Variants in ZNF618 observed in about 807,000 individuals in gnomAD.
ZNF618 encodes the protein zinc finger protein 618.
Under a neutral mutation model 103.0 loss-of-function variants are expected in ZNF618, and 34 were observed. The ratio of observed to expected loss-of-function variants is 0.33; its 90% CI spans 0.25 to 0.44. The LOEUF is 0.44. Ranked by LOEUF, ZNF618 falls within the 20% of genes least tolerant of loss-of-function variation. ZNF618 has a pLI of 1.00. For missense variants in ZNF618, 1,059 were observed against 1,295.4 expected, an observed-to-expected ratio of 0.82 and a Z score of 2.80; for synonymous variants, 551 against 542.2, an observed-to-expected ratio of 1.02 and a Z score of -0.23.
At chr9:113,944,716 T>A (rs1834853511) in intron 1 of ZNF618, among the ~76,000 whole-genome samples, 1 of 152,222 alleles carries the variant, frequency 6.6e-6, no homozygotes, top group African/African-American at 2.4e-5. Context: ...CATAACATAT[T>A]TTATTGAGCC....
intron 13 of ZNF618, among the ~76,000 whole-genome samples, chr9:114,040,264 C>A (rs1325368717): frequency 6.6e-6 from 1 of 151,884 alleles, no homozygotes; most frequent in Non-Finnish European, 1.5e-5. Context: ...CATCGCAGAA[C>A]TGGGTTCATA....
At chr9:113,905,247 G>T (rs1830889252) in intron 1 of ZNF618, among the ~76,000 whole-genome samples, 2 of 152,108 alleles carry the variant, frequency 1.3e-5, no homozygotes, top group South Asian at 4.1e-4. Context: ...AGTAGAGATG[G>T]GGTTTCACCA....
In ZNF618 at chr9:113,964,118, AG is replaced by A. The variant is rs755973415; in HGVS notation, c.34-4997del. ...GGTCCATCTTGAGCTTGGCTAGCTG[AG>A]GCGCCATCTTGGAAATGCCCCCTCC... On this transcript the variant is annotated intron_variant, in intron 1 of 14. Transcript: ENST00000374126. Among the ~76,000 whole-genome samples the A allele has an allele frequency of 3.9e-5, 6 of 152,274 alleles. No homozygotes were observed. The East Asian group carries it at 1.2e-3, about 29-fold the overall frequency.
chr9:114,025,457 T>C (rs78415830), intron 10 of ZNF618, among the ~76,000 whole-genome samples: 14,113 of 152,326 alleles, frequency 0.093, 796 homozygotes, highest in African/African-American at 0.15. Context: ...TGCTCTGTTA[T>C]TTTTTAGATA....
intron 1 of ZNF618, among the ~76,000 whole-genome samples, chr9:113,889,209 T>C (rs60909462): frequency 0.016 from 2,417 of 152,232 alleles, 53 homozygotes; most frequent in African/African-American, 0.055. Flanking sequence ...TGTGGTCATA[T>C]GGTGGCTGAG....
intron 1 of ZNF618, among the ~76,000 whole-genome samples, chr9:113,955,961 G>C: frequency 6.6e-6 from 1 of 152,186 alleles, no homozygotes; most frequent in Admixed American, 6.5e-5. Flanking sequence ...GAGCATCCCA[G>C]CACTTTGGGA....
Position 114,002,673 on chromosome 9 carries a change from T to G in ZNF618, c.550+11T>G. The G allele has an allele frequency of 6.2e-7, 1 of 1,610,946 alleles. No individual in the cohort carries two copies. Among genetic ancestry groups the G allele is most frequent in the African/African-American group, 1.3e-5 (1 of 75,046 alleles). ...GAGCCTCCCAAAGCAGTGAGTACTT[T>G]TTCCTCCTCGTGGGCTGCTGAGGGG... is the stretch of plus-strand genomic sequence containing the variant. On this transcript the variant is annotated intron_variant, in intron 6 of 14. Coordinates refer to ENST00000374126, the MANE Select transcript of ZNF618 (RefSeq NM_001318042.2).
chr9:113,984,454 G>A (rs1161973150), intron 2 of ZNF618, among the ~76,000 whole-genome samples: 1 of 152,212 alleles, frequency 6.6e-6, no homozygotes, highest in African/African-American at 2.4e-5. Context: ...CTCAGAGAAG[G>A]GAGTCTCTTG....
Position 114,007,375 on chromosome 9 carries a change from C to A in ZNF618, c.576C>A (p.Ile192=), listed in dbSNP as rs1405549682. Reference sequence around the variant, plus strand: ...ACAATTTCAGGTACACATGTGATATCTGCGGGAAGAAGTACAAATACTACA... The same window carrying A: ...ACAATTTCAGGTACACATGTGATATATGCGGGAAGAAGTACAAATACTACA... ...QSNNFRYTCD[I]CGKKYKYYSC... The change falls in exon 7 of 15, where the codon ATC becomes ATA. Residue 192 remains isoleucine (I), a synonymous_variant. Transcript: ENST00000374126. 6.2e-7 allele frequency: 1 copy of A among 1,613,898 alleles called. No individual in the cohort carries two copies.
At chr9:113,928,505 C>T (rs1424413015) in intron 1 of ZNF618, among the ~76,000 whole-genome samples, 1 of 152,124 alleles carries the variant, frequency 6.6e-6, no homozygotes, top group African/African-American at 2.4e-5. Flanking sequence ...CCAGACCTGA[C>T]GTATCTATTA....
At position 114,050,287 on chromosome 9, in the gene ZNF618, C is replaced by T. The variant is rs374511269; in HGVS notation, c.*120C>T. 1.7e-5 allele frequency: 21 copies of T among 1,266,788 alleles called. No homozygotes were observed. In the African/African-American group the frequency reaches 1.8e-4, roughly 11 times the overall value. The allele number at this position is 1,266,788 out of a possible 1,614,324, so 78.5% of individuals were successfully genotyped here. On this transcript the variant is annotated 3_prime_UTR_variant, in exon 15 of 15. Coordinates refer to ENST00000374126, the MANE Select transcript of ZNF618 (RefSeq NM_001318042.2). ...AACACTGTGGACCTCATTATAAATG[C>T]CCCCTGGAAACTTAAGTGCTTTTTT...
chr9:113,892,534 A>G (rs535459046), intron 1 of ZNF618, among the ~76,000 whole-genome samples: 1 of 152,286 alleles, frequency 6.6e-6, no homozygotes, highest in Admixed American at 6.5e-5. Context: ...AAAAAGTTAA[A>G]CACGTCCATA....
rs547636393 is a variant in ZNF618 at position 113,923,094 on chromosome 9, C to T, written c.34-46023C>T. ...TGGCATTGTGTTTTTAATTTCAGAT[C>T]CCAGTTCTTCATTGCTGGGATATGT... On this transcript the variant is annotated intron_variant, in intron 1 of 14. Transcript: ENST00000374126. 9.2e-5 allele frequency among the ~76,000 whole-genome samples: 14 copies of T among 152,040 alleles called. 1 individual carries two copies. In the South Asian group the frequency reaches 2.9e-3, roughly 32 times the overall value.
At chr9:114,008,961 G>A (rs114788254) in intron 9 of ZNF618, among the ~76,000 whole-genome samples, 3,086 of 152,288 alleles carry the variant, frequency 0.02, 119 homozygotes, top group African/African-American at 0.07. Flanking sequence ...GTAGGTGCTC[G>A]GAAAATAACA....
chr9:113,881,607 A>G lies in ZNF618; in HGVS notation c.33+5194A>G, dbSNP rs186014655. Among the ~76,000 whole-genome samples, 686 of 152,248 alleles carry G rather than the reference A, an allele frequency of 4.5e-3. 7 individuals are homozygous for G. The highest frequency in any genetic ancestry group is 0.016 in the African/African-American group (663 of 41,540). On this transcript the variant is annotated intron_variant, in intron 1 of 14. Coordinates refer to ENST00000374126, the MANE Select transcript of ZNF618 (RefSeq NM_001318042.2). ...TCTCAATTCTGACCAGCCACATTTC[A>G]CCTGTTCAGCAGCCACATGTGGCTG...
intron 1 of ZNF618, among the ~76,000 whole-genome samples, chr9:113,920,325 T>C (rs969815167): frequency 2.0e-5 from 3 of 151,974 alleles, no homozygotes; most frequent in African/African-American, 4.8e-5. Context: ...GTGCAGTCCA[T>C]GTAGTGTGCT....
At chr9:113,983,510 T>C (rs1839161805) in intron 2 of ZNF618, among the ~76,000 whole-genome samples, 1 of 152,300 alleles carries the variant, frequency 6.6e-6, no homozygotes, top group African/African-American at 2.4e-5. Flanking sequence ...AGAGGGTGGC[T>C]CACTGGTCCC....
chr9:114,018,302 C>G (rs1399366998), intron 10 of ZNF618, among the ~76,000 whole-genome samples: 1 of 152,210 alleles, frequency 6.6e-6, no homozygotes, highest in Non-Finnish European at 1.5e-5. Context: ...TGTGGTCGGG[C>G]TTGAACACCA....
chr9:114,039,865 C>T (rs186912924), intron 13 of ZNF618, among the ~76,000 whole-genome samples: 2 of 152,314 alleles, frequency 1.3e-5, no homozygotes, highest in Non-Finnish European at 2.9e-5. Flanking sequence ...CTTTCTCCTG[C>T]CTGCAGTGGT....
Sources: allele counts gnomAD v4.1 joint callset (sites outside exome capture counted in the v4.1 genomes callset), GRCh38; gene constraint gnomAD v4.1.1; transcripts MANE v1.5; gene names NCBI Gene and HGNC (gene_info 2026-07-23, HGNC 2026-07-21).